Variants in TCTN1 observed in about 807,000 individuals in gnomAD.
TCTN1 encodes tectonic-1.
TCTN1 carries 58 observed loss-of-function variants against 65.8 expected under a neutral mutation model. That is an observed-to-expected ratio of 0.88 (90% CI 0.71 to 1.10). TCTN1 has a LOEUF of 1.10. Among genes scored for constraint, TCTN1 ranks in the 50% least tolerant of loss-of-function variants. The probability of loss-of-function intolerance (pLI) is 0.00; values close to 1 mark genes in which losing one functional copy is unlikely to be tolerated. For synonymous variants in TCTN1, 273 were observed against 289.1 expected, an observed-to-expected ratio of 0.94 and a Z score of 0.57; for missense variants, 645 against 719.4, an observed-to-expected ratio of 0.90 and a Z score of 1.18.
chr12:110,614,188 G>A lies in TCTN1; in HGVS notation c.6G>A (p.Arg2=). The change falls in exon 1 of 15, where the codon AGG becomes AGA. Residue 2 remains arginine (R), a synonymous_variant. Coordinates refer to ENST00000397659, the MANE Select transcript of TCTN1 (RefSeq NM_001082538.3). ...TCGCTGGGACTCCCTGGGAGATGAG[G>A]CCGCGAGGTCTCCCGCCGCTCCTGG... M[R]PRGLPPLLVV... is the part of the protein sequence containing the mutation. The A allele has an allele frequency of 1.9e-6, 3 of 1,551,974 alleles. No individual in the cohort carries two copies. In the South Asian group the frequency reaches 3.6e-5, roughly 18 times the overall value.
intron 2 of TCTN1, among the ~76,000 whole-genome samples, chr12:110,621,118 A>G (rs1334934419): frequency 2.0e-5 from 3 of 152,136 alleles, no homozygotes; most frequent in Non-Finnish European, 2.9e-5. Flanking sequence ...AGGCTTTTTG[A>G]AAAACTAGGA....
intron 5 of TCTN1, among the ~76,000 whole-genome samples, chr12:110,633,086 T>C (rs914974342): frequency 6.6e-6 from 1 of 152,168 alleles, no homozygotes; most frequent in African/African-American, 2.4e-5. Context: ...ACTCAGGTGG[T>C]GGTGGAACAG....
intron 3 of TCTN1, among the ~76,000 whole-genome samples, chr12:110,628,443 C>T (rs561679863): frequency 1.5e-4 from 22 of 151,396 alleles, no homozygotes; most frequent in African/African-American, 4.1e-4. Context: ...TGGGTTTCAG[C>T]GATTCTCCTG....
Position 110,629,602 on chromosome 12 carries a change from G to A in TCTN1, c.624+684G>A, listed in dbSNP as rs2066087318. ...AAGAAGTCAGGAAACAACAGGTGCT[G>A]GAGAGGATATGGAGAAATAGGAACG... On this transcript the variant is annotated intron_variant, in intron 4 of 14. Transcript: ENST00000397659. The A allele has an allele frequency of 2.0e-5, 3 of 152,248 alleles. No homozygotes were observed. The South Asian group carries it at 6.2e-4, about 32-fold the overall frequency. The allele number at this position is 152,248 out of a possible 1,614,324, so 9.4% of individuals were successfully genotyped here. A position where few individuals can be genotyped will look rare whatever the true frequency, so the allele number is the denominator to read the frequency against.
chr12:110,644,663 G>A lies in TCTN1; in HGVS notation c.1332-304G>A, dbSNP rs911593201. On this transcript the variant is annotated intron_variant, in intron 11 of 14. Coordinates refer to ENST00000397659, the MANE Select transcript of TCTN1 (RefSeq NM_001082538.3). The surrounding 1 kb of genome is among the most constrained non-coding windows in gnomAD (Gnocchi z 4.6). ...ACTGTACTCCAGCCTGGGCAACAGA[G>A]CAAACTCCATCTCAAAACAAAACAA... is the stretch of plus-strand genomic sequence containing the variant. 1 of 381,732 alleles carries A rather than the reference G, an allele frequency of 2.6e-6. No homozygotes were observed. The highest frequency in any genetic ancestry group is 6.4e-5 in the East Asian group (1 of 15,608). The allele number at this position is 381,732 out of a possible 1,614,324, so 23.6% of individuals were successfully genotyped here.
At chr12:110,647,934 T>G (rs2067477627) in intron 14 of TCTN1, 41 bp downstream of exon 14, 2 of 1,610,784 alleles carry the variant, frequency 1.2e-6, no homozygotes, top group African/African-American at 2.7e-5. Context: ...GGTCATCCCC[T>G]TTGGAAAGTG....
rs777837252 is a variant in TCTN1, at chr12:110,614,365, G to A, written c.183G>A (p.Gly61=). Residue 61 remains glycine (G), a synonymous_variant, in exon 1 of 15, where the codon GGG becomes GGA. Coordinates refer to ENST00000397659, the MANE Select transcript of TCTN1 (RefSeq NM_001082538.3). Reference sequence around the variant, plus strand: ...CCCCCGGGACTCCCAGGGCTCCAGGGCCCTCCTCCGGCCCCAGGCCTACCC... The same window carrying A: ...CCCCCGGGACTCCCAGGGCTCCAGGACCCTCCTCCGGCCCCAGGCCTACCC... ...TRPPGTPRAP[G]PSSGPRPTPV... The A allele has an allele frequency of 1.2e-6, 2 of 1,605,878 alleles. No homozygotes were observed. The highest frequency in any genetic ancestry group is 1.7e-6 in the Non-Finnish European group (2 of 1,176,976).
intron 2 of TCTN1, among the ~76,000 whole-genome samples, chr12:110,625,067 C>T (rs1162934022): frequency 6.6e-6 from 1 of 152,200 alleles, no homozygotes; most frequent in African/African-American, 2.4e-5. Flanking sequence ...CCTTTGAAGA[C>T]AGCTTTATTC....
chr12:110,635,022 A>G (rs1427581618), intron 6 of TCTN1, among the ~76,000 whole-genome samples: 3 of 152,196 alleles, frequency 2.0e-5, no homozygotes, highest in Non-Finnish European at 4.4e-5. Flanking sequence ...GGTAACCAAT[A>G]TCTGTCTCCT....
rs1043466126 is a variant in TCTN1 at position 110,640,591 on chromosome 12, C to T, written c.978+74C>T. On this transcript the variant is annotated intron_variant, in intron 8 of 14. Transcript: ENST00000397659. This position sits in a 1 kb window ranked among gnomAD's most constrained non-coding sequence, Gnocchi z 4.9. ...CTCTTGTTGCGCCGGGGTAACTGGA[C>T]GCCCTCCGAGGACGCTCTGTCCCAG... 9.3e-6 allele frequency: 15 copies of T among 1,607,000 alleles called. No individual in the cohort carries two copies. Among genetic ancestry groups the T allele is most frequent in the African/African-American group, 6.7e-5 (5 of 74,734 alleles).
chr12:110,635,470 A>C (rs1041804133), intron 6 of TCTN1, among the ~76,000 whole-genome samples: 7 of 151,902 alleles, frequency 4.6e-5, no homozygotes, highest in South Asian at 2.1e-4. Context: ...ATAAAAAAAA[A>C]CCTTTTGTGT....
At chr12:110,641,434 T>C (rs1282763714) in intron 9 of TCTN1, 108 bp from the exon 10 acceptor site, 1 of 1,136,136 alleles carries the variant, frequency 8.8e-7, no homozygotes, top group East Asian at 2.5e-5. Context: ...GAGAAATTCT[T>C]TTATTGGTTG....
At chr12:110,641,189 G>A in intron 9 of TCTN1, 40 bp downstream of exon 9, 4 of 1,613,530 alleles carry the variant, frequency 2.5e-6, no homozygotes, top group Non-Finnish European at 3.4e-6. Flanking sequence ...TAATTGCCAA[G>A]TTAAAAAGAA....
intron 6 of TCTN1, among the ~76,000 whole-genome samples, chr12:110,635,203 G>C (rs968877725): frequency 1.3e-5 from 2 of 152,222 alleles, no homozygotes; most frequent in Non-Finnish European, 2.9e-5. Flanking sequence ...AGGCAGTCAG[G>C]AAAGAACAGG....
Position 110,647,488 on chromosome 12 carries a change from G to A in TCTN1, c.1635+152G>A, listed in dbSNP as rs552888377. The A allele has an allele frequency of 3.6e-6, 4 of 1,120,414 alleles. No homozygotes were observed. The African/African-American group carries it at 4.7e-5, about 13-fold the overall frequency. The allele number at this position is 1,120,414 out of a possible 1,614,324, so 69.4% of individuals were successfully genotyped here. A position where few individuals can be genotyped will look rare whatever the true frequency, so the allele number is the denominator to read the frequency against. On this transcript the variant is annotated intron_variant, in intron 13 of 14. Transcript: ENST00000397659. ...TTCAGCAGTCATTCTTAGAAACACT[G>A]ACGATGGTTCTACTTACATTAGCAT... is the stretch of plus-strand genomic sequence containing the variant.
intron 7 of TCTN1, among the ~76,000 whole-genome samples, chr12:110,638,945 T>C (rs1250568106): frequency 1.3e-5 from 2 of 152,226 alleles, no homozygotes; most frequent in Non-Finnish European, 2.9e-5. Context: ...TCACAGTGAC[T>C]AGCATTGCCC....
chr12:110,628,136 TCTC>T, intron 3 of TCTN1: 1 of 1,535,998 alleles, frequency 6.5e-7, no homozygotes, highest in Non-Finnish European at 8.7e-7. Flanking sequence ...GGAGAGAGCT[TCTC>T]CTTACAGGTT....
intron 1 of TCTN1, among the ~76,000 whole-genome samples, chr12:110,618,341 C>T (rs1252173716): frequency 3.3e-5 from 5 of 151,754 alleles, no homozygotes; most frequent in Non-Finnish European, 7.4e-5. Flanking sequence ...CCTGGGTTCA[C>T]GCCATTCTCC....
chr12:110,619,705 C>T, intron 1 of TCTN1, 131 bp from the exon 2 acceptor site: 1 of 1,432,890 alleles, frequency 7.0e-7, no homozygotes, highest in Non-Finnish European at 9.6e-7. Flanking sequence ...CACAAATTTC[C>T]CCCAAAGTGC....
Sources: allele counts gnomAD v4.1 joint callset (sites outside exome capture counted in the v4.1 genomes callset), GRCh38; gene constraint gnomAD v4.1.1; non-coding constraint Gnocchi (gnomAD v3.1); transcripts MANE v1.5; gene names NCBI Gene and HGNC (gene_info 2026-07-23, HGNC 2026-07-21).